NEFM: variants seen among roughly 807,000 people sequenced by gnomAD.
NEFM encodes neurofilament medium chain, also known as neurofilament medium polypeptide.
In NEFM, 16 loss-of-function variants were observed where a neutral mutation model predicts 48.1. That is an observed-to-expected ratio of 0.33 (90% CI 0.23 to 0.51). NEFM has a LOEUF of 0.51. NEFM is among the 20% of genes least tolerant of loss of function. The pLI is 0.98. For synonymous variants in NEFM, 465 were observed against 456.9 expected, an observed-to-expected ratio of 1.02 and a Z score of -0.23; for missense variants, 1,107 against 1,136.0, an observed-to-expected ratio of 0.97 and a Z score of 0.37.
At chr8:24,916,273 T>C (rs996491137) in intron 2 of NEFM, among the ~76,000 whole-genome samples, 2 of 152,208 alleles carry the variant, frequency 1.3e-5, no homozygotes, top group Non-Finnish European at 2.9e-5. Flanking sequence ...ATAAATTATA[T>C]CAATATATCA....
In NEFM at chr8:24,915,791, G is replaced by A. The variant is rs1429605330; in HGVS notation, c.1205+62G>A. On this transcript the variant is annotated intron_variant, in intron 2 of 2. Coordinates refer to ENST00000221166, the MANE Select transcript of NEFM (RefSeq NM_005382.2). ...CCGCAGTGCAGAGGCTGTTCCGGCA[G>A]AGCTTCCACCACTTAAGTTAAAGCA... The A allele has an allele frequency of 5.0e-6, 8 of 1,611,578 alleles. No homozygotes were observed. In the Admixed American group the frequency reaches 1.3e-4, roughly 27 times the overall value.
Position 24,914,856 on chromosome 8 carries a change from G to A in NEFM, c.1063G>A (p.Asp355Asn). 2 of 1,594,440 alleles carry A rather than the reference G, an allele frequency of 1.3e-6. No individual in the cohort carries two copies. The highest frequency in any genetic ancestry group is 1.7e-6 in the Non-Finnish European group (2 of 1,171,976). Residue 355 changes from aspartate (D) to asparagine (N), a missense_variant, in exon 1 of 3, where the codon GAC becomes AAC. By Grantham distance (23) the Asp-to-Asn change is conservative. Coordinates refer to ENST00000221166, the MANE Select transcript of NEFM (RefSeq NM_005382.2). Reference protein sequence around the residue: ...LSDIEERHNHDLSSYQDTIQQ... With the variant: ...LSDIEERHNHNLSSYQDTIQQ... ...CGACATCGAGGAGCGCCACAACCAC[G>A]ACCTCAGCAGCTACCAGGTAGGAAC...
chr8:24,916,113 C>T (rs1413180250), intron 2 of NEFM, among the ~76,000 whole-genome samples: 2 of 152,158 alleles, frequency 1.3e-5, no homozygotes, highest in African/African-American at 4.8e-5. Context: ...AGGACAAACA[C>T]CAGGACGTTC....
rs765561281 is a variant in NEFM at position 24,914,024 on chromosome 8, C to G, written c.231C>G (p.Phe77Leu). 1 of 1,612,556 alleles carries G rather than the reference C, an allele frequency of 6.2e-7. No individual in the cohort carries two copies. Among genetic ancestry groups the G allele is most frequent in the Non-Finnish European group, 8.5e-7 (1 of 1,179,990 alleles). The change falls in exon 1 of 3, where the codon TTC (phenylalanine) becomes TTG (leucine). Residue 77 changes from phenylalanine to leucine, a missense_variant. This residue lies in a region of NEFM where 186 missense variants were observed against 200.6 expected (regional missense o/e 0.93). Coordinates refer to ENST00000221166, the MANE Select transcript of NEFM (RefSeq NM_005382.2). ...GCTCCGCCGAGAGCAGCCTTGACTT[C>G]AGCCAGTCCTCGTCCCTGCTCAACG... is the stretch of plus-strand genomic sequence containing the variant. ...MLSSAESSLD[F>L]SQSSSLLNGG... is the part of the protein sequence containing the mutation.
At position 24,914,543 on chromosome 8, in the gene NEFM, G is replaced by A; in HGVS notation, c.750G>A (p.Gln250=). Reference sequence around the variant, plus strand: ...TGGCCGACCTTCTGGCCCAGATCCAGGCATCGCACATCACGGTGGAGCGCA... The same window carrying A: ...TGGCCGACCTTCTGGCCCAGATCCAAGCATCGCACATCACGGTGGAGCGCA... ...EEVADLLAQI[Q]ASHITVERKD... Residue 250 remains glutamine, a synonymous_variant, in exon 1 of 3, where the codon CAG becomes CAA. Coordinates refer to ENST00000221166, the MANE Select transcript of NEFM (RefSeq NM_005382.2). 1 of 1,614,194 alleles carries A rather than the reference G, an allele frequency of 6.2e-7. No individual in the cohort carries two copies. Among genetic ancestry groups the A allele is most frequent in the Non-Finnish European group, 8.5e-7 (1 of 1,180,046 alleles).
chr8:24,918,535 C>T lies in NEFM; in HGVS notation c.2680C>T (p.Leu894=). ...GCATGAAGAGACCTTTGAGGAGAAA[C>T]TAGTGTCTACTAAAAAGGTAGAAAA... ...EEHEETFEEK[L]VSTKKVEKVT... is the part of the protein sequence containing the mutation. Residue 894 remains leucine (L), a synonymous_variant, in exon 3 of 3, where the codon CTA becomes TTA. Transcript: ENST00000221166. The T allele has an allele frequency of 2.5e-6, 4 of 1,613,796 alleles. No homozygotes were observed. The highest frequency in any genetic ancestry group is 3.4e-6 in the Non-Finnish European group (4 of 1,179,992).
chr8:24,913,833 T>C lies in NEFM; in HGVS notation c.40T>C (p.Tyr14His). The C allele has an allele frequency of 6.3e-7, 1 of 1,598,322 alleles. No homozygotes were observed. Among genetic ancestry groups the C allele is most frequent in the Non-Finnish European group, 8.5e-7 (1 of 1,172,506 alleles). Residue 14 changes from tyrosine (Y) to histidine (H), a missense_variant, in exon 1 of 3, where the codon TAC (tyrosine) becomes CAC (histidine). By Grantham distance (83) the Tyr-to-His change is moderately conservative. Transcript: ENST00000221166. ...GGACTCGCTGGGCAACCCGTCCGCC[T>C]ACCGGCGGGTAACCGAGACCCGCTC... ...TLDSLGNPSA[Y>H]RRVTETRSSF...
intron 1 of NEFM, chr8:24,915,323 T>A: frequency 7.9e-7 from 1 of 1,271,310 alleles, no homozygotes; most frequent in Non-Finnish European, 1.0e-6. Context: ...TCCCCATGCA[T>A]GTTTGTGTCC....
rs962371632 is a variant in NEFM at position 24,914,758 on chromosome 8, G to A, written c.965G>A (p.Arg322His). The A allele has an allele frequency of 6.2e-7, 1 of 1,612,240 alleles. No individual in the cohort carries two copies. Among genetic ancestry groups the A allele is most frequent in the Non-Finnish European group, 8.5e-7 (1 of 1,179,378 alleles). The change falls in exon 1 of 3, where the codon CGC becomes CAC. Residue 322 changes from arginine (R) to histidine (H), a missense_variant. By Grantham distance (29) the Arg-to-His change is conservative (BLOSUM62 0). Transcript: ENST00000221166. ...SAKEEIAEYR[R>H]QLQSKSIELE... Reference sequence around the variant, plus strand: ...AAGGAAGAGATCGCCGAGTACCGGCGCCAGCTGCAGTCCAAGAGCATCGAG... The same window carrying A: ...AAGGAAGAGATCGCCGAGTACCGGCACCAGCTGCAGTCCAAGAGCATCGAG...
intron 1 of NEFM, 74 bp from the exon 2 acceptor site, chr8:24,915,531 G>A: frequency 1.9e-6 from 3 of 1,606,218 alleles, no homozygotes; most frequent in Non-Finnish European, 2.6e-6. Flanking sequence ...AGGGGGAAGG[G>A]GTAGCAAGTG....
chr8:24,918,441 C>A lies in NEFM; in HGVS notation c.2586C>A (p.Thr862=). The A allele has an allele frequency of 6.2e-7, 1 of 1,614,078 alleles. No homozygotes were observed. The highest frequency in any genetic ancestry group is 8.5e-7 in the Non-Finnish European group (1 of 1,180,006). ...TGACCAAAACGGTAGAAAAAATCAC[C>A]AGTGAGGGGGGAGATGGTGCTACCA... ...VVVTKTVEKI[T]SEGGDGATKY... is the part of the protein sequence containing the mutation. The change falls in exon 3 of 3, where the codon ACC becomes ACA. Residue 862 remains threonine, a synonymous_variant. Coordinates refer to ENST00000221166, the MANE Select transcript of NEFM (RefSeq NM_005382.2).
chr8:24,916,100 T>C (rs926624072), intron 2 of NEFM, among the ~76,000 whole-genome samples: 1 of 152,136 alleles, frequency 6.6e-6, no homozygotes, highest in Non-Finnish European at 1.5e-5. Flanking sequence ...ATGTATAATG[T>C]CAAGGACAAA....
intron 1 of NEFM, 135 bp downstream of exon 1, chr8:24,915,008 T>C (rs1802551667): frequency 2.3e-5 from 32 of 1,404,282 alleles, no homozygotes; most frequent in Non-Finnish European, 2.9e-5. Flanking sequence ...GCCGCAGACC[T>C]AGGGTATTTG....
chr8:24,918,741 G>A lies in NEFM; in HGVS notation c.*135G>A. ...TTACTTTGTGCAATATGAGGGGACT[G>A]CATGCAAGCTCAGGGTGCTCCCTCC... On this transcript the variant is annotated 3_prime_UTR_variant, in exon 3 of 3. Transcript: ENST00000221166. 2 of 744,632 alleles carry A rather than the reference G, an allele frequency of 2.7e-6. No homozygotes were observed. The highest frequency in any genetic ancestry group is 2.5e-5 in the East Asian group (1 of 40,046). 46.1% of individuals were successfully genotyped at this position (744,632 alleles called of 1,614,324 possible). A position where few individuals can be genotyped will look rare whatever the true frequency, so the allele number is the denominator to read the frequency against.
rs916981300 is a variant in NEFM at position 24,913,860 on chromosome 8, A to G, written c.67A>G (p.Ser23Gly). Residue 23 changes from serine (S) to glycine (G), a missense_variant, in exon 1 of 3, where the codon AGC becomes GGC. Transcript: ENST00000221166. The part of the protein sequence containing the change: ...AYRRVTETRS[S>G]FSRVSGSPSS... ...CCGGCGGGTAACCGAGACCCGCTCGAGCTTCAGCCGCGTCAGCGGCTCCCC... is the reference window on the plus strand; with the variant it reads ...CCGGCGGGTAACCGAGACCCGCTCGGGCTTCAGCCGCGTCAGCGGCTCCCC... 3 of 1,609,084 alleles carry G rather than the reference A, an allele frequency of 1.9e-6. No homozygotes were observed. Among genetic ancestry groups the G allele is most frequent in the African/African-American group, 1.3e-5 (1 of 74,996 alleles).
Position 24,914,263 on chromosome 8 carries a change from T to G in NEFM, c.470T>G (p.Leu157Arg), listed in dbSNP as rs1204258828. The change falls in exon 1 of 3, where the codon CTG becomes CGG. Residue 157 changes from leucine (L) to arginine (R), a missense_variant. Physicochemically the swap from Leu to Arg is moderately radical, Grantham distance 102. Transcript: ENST00000221166. Reference sequence around the variant, plus strand: ...GCGTACGACCAGGAGATCCGCGAGCTGCGCGCCACCCTGGAGATGGTGAAC... The same window carrying G: ...GCGTACGACCAGGAGATCCGCGAGCGGCGCGCCACCCTGGAGATGGTGAAC... Reference protein sequence around the residue: ...GDAYDQEIRELRATLEMVNHE... With the variant: ...GDAYDQEIRERRATLEMVNHE... The G allele has an allele frequency of 6.2e-7, 1 of 1,611,874 alleles. No individual in the cohort carries two copies. The highest frequency in any genetic ancestry group is 8.5e-7 in the Non-Finnish European group (1 of 1,179,224).
rs376554268 is a variant in NEFM at position 24,913,910 on chromosome 8, G to A, written c.117G>A (p.Ser39=). 9 of 1,610,924 alleles carry A rather than the reference G, an allele frequency of 5.6e-6. No homozygotes were observed. In the African/African-American group the frequency reaches 9.3e-5, roughly 17 times the overall value. Residue 39 remains serine (S), a synonymous_variant, in exon 1 of 3, where the codon TCG becomes TCA. Coordinates refer to ENST00000221166, the MANE Select transcript of NEFM (RefSeq NM_005382.2). ...GSPSSGFRSQ[S]WSRGSPSTVS... ...CGTCCAGTGGCTTCCGCTCGCAGTC[G>A]TGGTCCCGCGGCTCGCCCAGCACCG...
In NEFM at chr8:24,914,856, G is replaced by C. The variant is rs781066913; in HGVS notation, c.1063G>C (p.Asp355His). 2.7e-5 allele frequency: 43 copies of C among 1,594,322 alleles called. No homozygotes were observed. The highest frequency in any genetic ancestry group is 8.7e-5 in the Admixed American group (5 of 57,304). Residue 355 changes from aspartate to histidine, a missense_variant, in exon 1 of 3, where the codon GAC becomes CAC. Coordinates refer to ENST00000221166, the MANE Select transcript of NEFM (RefSeq NM_005382.2). ...LSDIEERHNH[D>H]LSSYQDTIQQ... ...CGACATCGAGGAGCGCCACAACCACGACCTCAGCAGCTACCAGGTAGGAAC... is the reference window on the plus strand; with the variant it reads ...CGACATCGAGGAGCGCCACAACCACCACCTCAGCAGCTACCAGGTAGGAAC...
chr8:24,915,728 A>G lies in NEFM; in HGVS notation c.1204A>G (p.Arg402Gly). ...MALDIEIAAY[R>G]KLLEGEETRF... is the part of the protein sequence containing the mutation. ...TCTGGATATAGAAATCGCTGCGTACAGGTACGATGCTTACTACGTGCGTGG... is the reference window on the plus strand; with the variant it reads ...TCTGGATATAGAAATCGCTGCGTACGGGTACGATGCTTACTACGTGCGTGG... Residue 402 changes from arginine (R) to glycine (G), a missense_variant and splice_region_variant, in exon 2 of 3, where the codon AGA becomes GGA. Coordinates refer to ENST00000221166, the MANE Select transcript of NEFM (RefSeq NM_005382.2). The G allele has an allele frequency of 6.2e-7, 1 of 1,614,092 alleles. No homozygotes were observed. Among genetic ancestry groups the G allele is most frequent in the Non-Finnish European group, 8.5e-7 (1 of 1,179,992 alleles).
Sources: allele counts gnomAD v4.1 joint callset (sites outside exome capture counted in the v4.1 genomes callset), GRCh38; gene constraint gnomAD v4.1.1; regional missense constraint gnomAD v4.1.1; transcripts MANE v1.5; gene names NCBI Gene and HGNC (gene_info 2026-07-23, HGNC 2026-07-21).